Variants in CAPZA2 observed in about 807,000 individuals in gnomAD.
CAPZA2 encodes capping actin protein of muscle Z-line subunit alpha 2, also known as F-actin-capping protein subunit alpha-2.
In CAPZA2, 13 loss-of-function variants were observed where a neutral mutation model predicts 44.0. The observed-to-expected ratio is 0.30, with a 90% CI of 0.19 to 0.47. The LOEUF (loss-of-function observed/expected upper bound fraction) is 0.47. Ranked by LOEUF, CAPZA2 falls within the 20% of genes least tolerant of loss-of-function variation. The pLI is 1.00. For synonymous variants in CAPZA2, 94 were observed against 108.2 expected (o/e 0.87, Z 0.81); for missense variants, 244 against 338.6 (o/e 0.72, Z 2.19).
intron 1 of CAPZA2, among the ~76,000 whole-genome samples, chr7:116,869,779 C>T (rs1034411208): frequency 6.6e-6 from 1 of 152,224 alleles, no homozygotes; most frequent in African/African-American, 2.4e-5. Flanking sequence ...ATTTAGCGTT[C>T]CAGTTGGTTA....
chr7:116,893,081 G>A, intron 3 of CAPZA2, 36 bp downstream of exon 3: 1 of 1,375,444 alleles, frequency 7.3e-7, no homozygotes, highest in Non-Finnish European at 1.0e-6. Flanking sequence ...TAACTAAAAT[G>A]ACATGGGAAA....
At chr7:116,895,248 A>G (rs965899020) in intron 3 of CAPZA2, among the ~76,000 whole-genome samples, 1 of 152,036 alleles carries the variant, frequency 6.6e-6, no homozygotes, top group Non-Finnish European at 1.5e-5. Context: ...GAAATGAGAA[A>G]CTTGGTAAGT....
chr7:116,881,647 G>T (rs1405063012), intron 1 of CAPZA2, among the ~76,000 whole-genome samples: 1 of 148,788 alleles, frequency 6.7e-6, no homozygotes, highest in Non-Finnish European at 1.5e-5. Flanking sequence ...GCTGAGGCAG[G>T]AGAATGGCAT....
intron 3 of CAPZA2, among the ~76,000 whole-genome samples, chr7:116,898,433 T>C (rs1796953616): frequency 6.6e-6 from 1 of 152,158 alleles, no homozygotes; most frequent in South Asian, 2.1e-4. Flanking sequence ...GCACCTAGTC[T>C]GTTTCCTGGT....
At chr7:116,899,848 C>A (rs1796973014) in intron 4 of CAPZA2, among the ~76,000 whole-genome samples, 1 of 150,972 alleles carries the variant, frequency 6.6e-6, no homozygotes. Context: ...ATATTTAAAA[C>A]TAAAAAGATA....
At chr7:116,879,057 C>T (rs2115893880) in intron 1 of CAPZA2, among the ~76,000 whole-genome samples, 1 of 135,852 alleles carries the variant, frequency 7.4e-6, no homozygotes, top group East Asian at 2.2e-4. Context: ...ACCCAGGAGG[C>T]AGAGGTTGCA....
In CAPZA2 at chr7:116,921,938, A is replaced by G. The variant is rs1413212451; in HGVS notation, c.*4071A>G. ...TTTCCAGAGTACACTTGGATATATG[A>G]TTACATTTTAATAAGTTATATAAAT... is the stretch of plus-strand genomic sequence containing the variant. On this transcript the variant is annotated 3_prime_UTR_variant, in exon 10 of 10. Transcript: ENST00000361183. 3 of 152,204 alleles carry G rather than the reference A, an allele frequency of 2.0e-5. No homozygotes were observed. Among genetic ancestry groups the G allele is most frequent in the Non-Finnish European group, 4.4e-5 (3 of 68,040 alleles). 9.4% of individuals were successfully genotyped at this position (152,204 alleles called of 1,614,324 possible).
At chr7:116,913,241 TTGA>T (rs919827799) in intron 8 of CAPZA2, among the ~76,000 whole-genome samples, 2 of 152,234 alleles carry the variant, frequency 1.3e-5, no homozygotes, top group Non-Finnish European at 2.9e-5. Flanking sequence ...TTTCACTTTC[TTGA>T]TGATATTGTT....
At position 116,921,582 on chromosome 7, in the gene CAPZA2, CTGAG is replaced by C. The variant is rs1359596176; in HGVS notation, c.*3716_*3719del. 1.3e-5 allele frequency: 2 copies of C among 152,390 alleles called. No homozygotes were observed. The highest frequency in any genetic ancestry group is 2.4e-5 in the African/African-American group (1 of 41,558). The allele number at this position is 152,390 out of a possible 1,614,324, so 9.4% of individuals were successfully genotyped here. A position where few individuals can be genotyped will look rare whatever the true frequency, so the allele number is the denominator to read the frequency against. ...CCTGTAGTCCCAGCTACTCAGGAGG[CTGAG>C]GCAGGAGAATCTTTGAACCCAGGAA... On this transcript the variant is annotated 3_prime_UTR_variant, in exon 10 of 10. Transcript: ENST00000361183.
Position 116,912,056 on chromosome 7 carries a change from C to G in CAPZA2, c.586-13C>G. 1 of 1,611,306 alleles carries G rather than the reference C, an allele frequency of 6.2e-7. No individual in the cohort carries two copies. Among genetic ancestry groups the G allele is most frequent in the Non-Finnish European group, 8.5e-7 (1 of 1,178,416 alleles). On this transcript the variant is annotated splice_polypyrimidine_tract_variant and intron_variant, in intron 7 of 9. Transcript: ENST00000361183. ...TCCTGTAATGTGGTTTCTGTAATTT[C>G]TTTTTCTAATAGGTTCATTATTATG...
At chr7:116,911,248 A>AGT (rs1398668624) in intron 7 of CAPZA2, among the ~76,000 whole-genome samples, 3 of 152,186 alleles carry the variant, frequency 2.0e-5, no homozygotes, top group African/African-American at 7.2e-5. Context: ...CATTTAGCAT[A>AGT]GTACCATATG....
chr7:116,883,839 T>C (rs2115908241), intron 1 of CAPZA2, among the ~76,000 whole-genome samples: 1 of 152,346 alleles, frequency 6.6e-6, no homozygotes, highest in South Asian at 2.1e-4. Flanking sequence ...TTAAATGCAT[T>C]ACTAAATATG....
intron 6 of CAPZA2, among the ~76,000 whole-genome samples, chr7:116,908,877 G>A (rs1791550043): frequency 6.6e-6 from 1 of 152,060 alleles, no homozygotes; most frequent in African/African-American, 2.4e-5. Context: ...CTGTTATTTT[G>A]TAGAACATAT....
intron 4 of CAPZA2, among the ~76,000 whole-genome samples, chr7:116,899,945 GAT>G (rs1796974218): frequency 6.6e-6 from 1 of 151,504 alleles, no homozygotes; most frequent in Non-Finnish European, 1.5e-5. Flanking sequence ...AGGATTTAGA[GAT>G]ATATCCAAAG....
intron 1 of CAPZA2, among the ~76,000 whole-genome samples, chr7:116,873,278 A>G (rs904055648): frequency 1.3e-5 from 2 of 151,916 alleles, no homozygotes; most frequent in African/African-American, 4.8e-5. Context: ...ATGGCTCTAG[A>G]TGGCTGTTTG....
chr7:116,888,879 T>G (rs1796797801), intron 2 of CAPZA2, among the ~76,000 whole-genome samples: 1 of 152,056 alleles, frequency 6.6e-6, no homozygotes, highest in Non-Finnish European at 1.5e-5. Flanking sequence ...TGACCATATA[T>G]TTTTTGGAAT....
At chr7:116,903,377 G>T (rs1476886122) in intron 4 of CAPZA2, among the ~76,000 whole-genome samples, 1 of 151,958 alleles carries the variant, frequency 6.6e-6, no homozygotes, top group Non-Finnish European at 1.5e-5. Flanking sequence ...AAAAAATTCT[G>T]TGTGTATGCA....
intron 7 of CAPZA2, among the ~76,000 whole-genome samples, chr7:116,911,544 G>C (rs1420894689): frequency 2.6e-5 from 4 of 152,108 alleles, no homozygotes; most frequent in Non-Finnish European, 5.9e-5. Flanking sequence ...AAAGAATCTA[G>C]AGTACTGCTA....
chr7:116,918,730 T>C lies in CAPZA2; in HGVS notation c.*863T>C, dbSNP rs541641530. The C allele has an allele frequency of 1.3e-5, 2 of 152,288 alleles. No homozygotes were observed. The highest frequency in any genetic ancestry group is 2.1e-4 in the South Asian group (1 of 4,826). 9.4% of individuals were successfully genotyped at this position (152,288 alleles called of 1,614,324 possible). On this transcript the variant is annotated 3_prime_UTR_variant, in exon 10 of 10. Transcript: ENST00000361183. ...TGTGACATTAAAATGCAAATTTTCC[T>C]ATTTATTTGAGTAGAAAATCACTTA...
Sources: gnomAD v4.1 joint callset for allele counts (sites outside exome capture counted in the v4.1 genomes callset) on GRCh38, gnomAD v4.1.1 for gene constraint, MANE v1.5 for transcripts, NCBI Gene and HGNC (gene_info 2026-07-23, HGNC 2026-07-21) for gene names.